Variants in PLB1 observed in about 807,000 individuals in gnomAD.
PLB1 encodes phospholipase B1.
A neutral mutation model predicts 227.4 loss-of-function variants in PLB1; 242 were observed. The observed-to-expected ratio is 1.06, with a 90% CI of 0.96 to 1.18. The LOEUF (loss-of-function observed/expected upper bound fraction) is 1.18, where lower values mean the gene tolerates loss of function less well. Among genes scored for constraint, PLB1 ranks in the 50% most tolerant of loss-of-function variants. The pLI, the probability that PLB1 is intolerant of heterozygous loss-of-function variation, is 0.00. For missense variants in PLB1, 1,858 were observed against 1,816.3 expected (o/e 1.02, Z -0.42); for synonymous variants, 757 against 682.2 (o/e 1.11, Z -1.71).
intron 15 of PLB1, 48 bp from the exon 16 acceptor site, chr2:28,549,962 A>G: frequency 6.7e-7 from 1 of 1,502,760 alleles, no homozygotes; most frequent in Non-Finnish European, 9.2e-7. Flanking sequence ...TAATTAAGGG[A>G]TACAGACTTC....
chr2:28,562,901 A>G (rs12999555), intron 17 of PLB1, 140 bp from the exon 18 acceptor site: 184,752 of 764,020 alleles, frequency 0.24, 24,451 homozygotes, highest in East Asian at 0.52. Context: ...GGTTTTTCCT[A>G]TCTTTTATCC....
chr2:28,561,274 G>C (rs1243212172), intron 17 of PLB1, among the ~76,000 whole-genome samples: 2 of 152,030 alleles, frequency 1.3e-5, no homozygotes, highest in African/African-American at 2.4e-5. Context: ...CAACATGTTT[G>C]TCCTGTGAGT....
At chr2:28,626,847 T>G (rs1216574397) in intron 51 of PLB1, among the ~76,000 whole-genome samples, 3 of 152,226 alleles carry the variant, frequency 2.0e-5, no homozygotes, top group Admixed American at 6.5e-5. Flanking sequence ...ACCCCATCCC[T>G]GCCCTGTTTC....
rs370003845 is a variant in PLB1, at chr2:28,563,024, C to T, written c.1148-17C>T. 5 of 1,610,818 alleles carry T rather than the reference C, an allele frequency of 3.1e-6. No individual in the cohort carries two copies. The African/African-American group carries it at 6.7e-5, about 22-fold the overall frequency. Reference sequence around the variant, plus strand: ...CTGGAAGCCCCATTTTCCACTCACTCCTGCTTATATTCTTAGTTCATAGGC... The same window carrying T: ...CTGGAAGCCCCATTTTCCACTCACTTCTGCTTATATTCTTAGTTCATAGGC... On this transcript the variant is annotated splice_polypyrimidine_tract_variant and intron_variant, in intron 17 of 57. Coordinates refer to ENST00000327757, the MANE Select transcript of PLB1 (RefSeq NM_153021.5).
intron 1 of PLB1, among the ~76,000 whole-genome samples, chr2:28,500,626 C>T (rs1233798784): frequency 6.6e-6 from 1 of 152,026 alleles, no homozygotes; most frequent in Non-Finnish European, 1.5e-5. Flanking sequence ...AACTGAACTC[C>T]CCCCTCCTTT....
chr2:28,585,982 C>T (rs1680841625), intron 26 of PLB1, 140 bp downstream of exon 26: 1 of 719,586 alleles, frequency 1.4e-6, no homozygotes, highest in South Asian at 1.7e-5. Context: ...TTTAAAACAC[C>T]CTGAGACACA....
At chr2:28,592,556 G>A (rs1167546475) in intron 31 of PLB1, 105 bp from the exon 32 acceptor site, 9 of 1,141,314 alleles carry the variant, frequency 7.9e-6, no homozygotes, top group Non-Finnish European at 1.2e-5. Flanking sequence ...CATGGCCCCA[G>A]TGCTCATGCA....
chr2:28,634,232 G>A (rs912722634), intron 56 of PLB1, among the ~76,000 whole-genome samples: 5 of 152,100 alleles, frequency 3.3e-5, no homozygotes, highest in Admixed American at 6.6e-5. Context: ...CCAAGACTCC[G>A]GATTGTAACC....
At chr2:28,583,114 T>C (rs1680326669) in intron 25 of PLB1, among the ~76,000 whole-genome samples, 1 of 152,092 alleles carries the variant, frequency 6.6e-6, no homozygotes, top group Admixed American at 6.6e-5. Context: ...CAGACAGAGC[T>C]GGCTTCCCCT....
intron 20 of PLB1, among the ~76,000 whole-genome samples, chr2:28,568,641 C>T (rs186786730): frequency 1.2e-4 from 18 of 152,256 alleles, no homozygotes; most frequent in Admixed American, 3.3e-4. Context: ...AACAGTGCTC[C>T]GATGACATCA....
chr2:28,526,029 A>G, intron 6 of PLB1, 84 bp downstream of exon 6: 2 of 1,473,606 alleles, frequency 1.4e-6, no homozygotes, highest in Non-Finnish European at 9.4e-7. Flanking sequence ...AAGAGAATGG[A>G]CACCACCAGC....
chr2:28,632,691 A>G (rs1226956719), intron 55 of PLB1, among the ~76,000 whole-genome samples: 13 of 152,092 alleles, frequency 8.5e-5, no homozygotes, highest in Non-Finnish European at 1.8e-4. Flanking sequence ...GGGAGGCAGA[A>G]GTTGCAGTGA....
intron 6 of PLB1, 116 bp downstream of exon 6, chr2:28,526,061 G>C: frequency 8.6e-7 from 1 of 1,164,454 alleles, no homozygotes; most frequent in Admixed American, 2.0e-5. Flanking sequence ...TGGAGCCCAG[G>C]AGAAAGGGGA....
Position 28,626,427 on chromosome 2 carries a change from G to A in PLB1, c.3580-1G>A, listed in dbSNP as rs758587841. The A allele has an allele frequency of 6.2e-7, 1 of 1,613,856 alleles. No homozygotes were observed. Among genetic ancestry groups the A allele is most frequent in the Non-Finnish European group, 8.5e-7 (1 of 1,179,746 alleles). ...AAACTCAGGATCTTCTGTCCCCTCA[G>A]GACATCAACCTGGAGAAAGACTGGA... On this transcript the variant is annotated splice_acceptor_variant, in intron 50 of 57. Coordinates refer to ENST00000327757, the MANE Select transcript of PLB1 (RefSeq NM_153021.5). LOFTEE classifies it high-confidence loss of function.
chr2:28,619,483 T>C (rs138855165), intron 46 of PLB1, among the ~76,000 whole-genome samples: 1 of 152,106 alleles, frequency 6.6e-6, no homozygotes, highest in African/African-American at 2.4e-5. Context: ...TAAATATTTG[T>C]ATCATTTCAC....
At position 28,620,907 on chromosome 2, in the gene PLB1, C is replaced by G. The variant is rs1686955922; in HGVS notation, c.3456C>G (p.Leu1152=). The change falls in exon 49 of 58, where the codon CTC becomes CTG. Residue 1152 remains leucine, a synonymous_variant. Coordinates refer to ENST00000327757, the MANE Select transcript of PLB1 (RefSeq NM_153021.5). ...TTCTGAAGAAGTTCAACCCTTACCT[C>G]CTTGGCTTCTCTACCAGCACCTGGG... ...PNILKKFNPY[L]LGFSTSTWEG... is the part of the protein sequence containing the mutation. 3.1e-6 allele frequency: 5 copies of G among 1,614,058 alleles called. No individual in the cohort carries two copies. Among genetic ancestry groups the G allele is most frequent in the Non-Finnish European group, 4.2e-6 (5 of 1,179,994 alleles).
At chr2:28,596,896 A>T (rs1006156016) in intron 33 of PLB1, among the ~76,000 whole-genome samples, 1 of 152,212 alleles carries the variant, frequency 6.6e-6, no homozygotes, top group Admixed American at 6.5e-5. Context: ...TTGAATGAAG[A>T]ACAACTATGA....
chr2:28,565,997 C>T (rs147479167), intron 19 of PLB1, among the ~76,000 whole-genome samples: 2 of 152,144 alleles, frequency 1.3e-5, no homozygotes, highest in Non-Finnish European at 1.5e-5. Flanking sequence ...TGCTTCCTGG[C>T]CCCCACCAGT....
intron 1 of PLB1, among the ~76,000 whole-genome samples, chr2:28,509,085 A>G (rs975206259): frequency 6.6e-6 from 1 of 152,208 alleles, no homozygotes; most frequent in Non-Finnish European, 1.5e-5. Context: ...TAGATGAGGA[A>G]GTCAATGTTC....
Sources: gnomAD v4.1 joint callset for allele counts (sites outside exome capture counted in the v4.1 genomes callset) on GRCh38, gnomAD v4.1.1 for gene constraint, MANE v1.5 for transcripts, NCBI Gene and HGNC (gene_info 2026-07-23, HGNC 2026-07-21) for gene names.